The following TBC1D2B variants were observed in gnomAD, a reference collection of about 807,000 sequenced individuals.
TBC1D2B encodes the protein TBC1 domain family, member 2B.
In TBC1D2B, 64 loss-of-function variants were observed where a neutral mutation model predicts 100.8. The ratio of observed to expected loss-of-function variants is 0.64; its 90% CI spans 0.52 to 0.78. The LOEUF is 0.78. Among genes scored for constraint, TBC1D2B ranks in the 30% least tolerant of loss-of-function variants. TBC1D2B has a pLI of 0.00. For missense variants in TBC1D2B, 1,052 were observed against 1,218.4 expected (o/e 0.86, Z 2.03); for synonymous variants, 480 against 479.7 (o/e 1.00, Z -0.01).
Position 78,022,538 on chromosome 15 carries a change from C to G in TBC1D2B, c.1470+1618G>C, listed in dbSNP as rs2072540948. Reference sequence around the variant, plus strand: ...TATTAAAAAAACAAACAAACAAAAACCACAAAGCCTATTTTTTTTTTCTTG... The same window carrying G: ...TATTAAAAAAACAAACAAACAAAAAGCACAAAGCCTATTTTTTTTTTCTTG... On this transcript the variant is annotated intron_variant, in intron 6 of 12. Coordinates refer to ENST00000300584, the MANE Select transcript of TBC1D2B (RefSeq NM_144572.2). 3.0e-5 allele frequency among the ~76,000 whole-genome samples: 4 copies of G among 135,552 alleles called. No homozygotes were observed. In the South Asian group the frequency reaches 9.6e-4, roughly 33 times the overall value. The allele number at this position is 135,552 out of a possible 152,430, so 88.9% of individuals were successfully genotyped here. A position where few individuals can be genotyped will look rare whatever the true frequency, so the allele number is the denominator to read the frequency against.
chr15:78,044,199 G>A (rs2073148765), intron 3 of TBC1D2B, among the ~76,000 whole-genome samples: 1 of 152,166 alleles, frequency 6.6e-6, no homozygotes, highest in East Asian at 1.9e-4. Flanking sequence ...TGATTGTGGT[G>A]ATGGAAGCAC....
chr15:78,013,277 C>T lies in TBC1D2B; in HGVS notation c.1816G>A (p.Asp606Asn), dbSNP rs771886267. 11 of 1,613,786 alleles carry T rather than the reference C, an allele frequency of 6.8e-6. No homozygotes were observed. The highest frequency in any genetic ancestry group is 2.7e-5 in the African/African-American group (2 of 74,910). ...IYGFRTVPED[D>N]EEEKLVAKVR... ...TTGGCAACCAATTTCTCTTCCTCAT[C>T]ATCCTCAGGTACAGTCCTGAACCCA... The change falls in exon 9 of 13, where the codon GAT (aspartate) becomes AAT (asparagine). Residue 606 changes from aspartate to asparagine, a missense_variant. By Grantham distance (23) the Asp-to-Asn change is conservative. Transcript: ENST00000300584.
chr15:78,001,889 GCAATTT>G (rs981076035), intron 11 of TBC1D2B, 149 bp from the exon 12 acceptor site: 2 of 837,332 alleles, frequency 2.4e-6, no homozygotes, highest in African/African-American at 3.5e-5. Flanking sequence ...GACCTGAGGG[GCAATTT>G]TCACTGGCTA....
At chr15:78,048,976 T>C (rs2073255980) in intron 2 of TBC1D2B, among the ~76,000 whole-genome samples, 1 of 152,156 alleles carries the variant, frequency 6.6e-6, no homozygotes, top group South Asian at 2.1e-4. Flanking sequence ...CCCATATGCA[T>C]CAAAGCACAC....
At chr15:78,010,638 C>T (rs2072199154) in intron 9 of TBC1D2B, among the ~76,000 whole-genome samples, 1 of 151,832 alleles carries the variant, frequency 6.6e-6, no homozygotes, top group South Asian at 2.1e-4. Context: ...AGAGACAGGA[C>T]TCGATGGCGC....
rs1397810337 is a variant in TBC1D2B, at chr15:78,077,669, C to A, written c.-17G>T. 1.0e-6 allele frequency: 1 copy of A among 987,212 alleles called. No individual in the cohort carries two copies. The highest frequency in any genetic ancestry group is 1.8e-5 in the African/African-American group (1 of 56,858). The allele number at this position is 987,212 out of a possible 1,614,324, so 61.2% of individuals were successfully genotyped here. ...CCCCGGCATCGCTACCGCGCGCCAA[C>A]CGTAGGCGCCCGCGCCCTGCGCCTC... On this transcript the variant is annotated 5_prime_UTR_variant, in exon 1 of 13. Transcript: ENST00000300584.
At chr15:78,074,798 G>A (rs988796347) in intron 1 of TBC1D2B, among the ~76,000 whole-genome samples, 22 of 152,170 alleles carry the variant, frequency 1.4e-4, no homozygotes, top group African/African-American at 5.3e-4. Flanking sequence ...CTTACTTCTT[G>A]TTCAATTTTA....
At position 78,077,324 on chromosome 15, in the gene TBC1D2B, ACCTGGAAGTGCGCGGGCGGCT is replaced by A; in HGVS notation, c.308_328del (p.Glu103_Gln109del). 1 of 1,534,992 alleles carries A rather than the reference ACCTGGAAGTGCGCGGGCGGCT, an allele frequency of 6.5e-7. No individual in the cohort carries two copies. Among genetic ancestry groups the A allele is most frequent in the Non-Finnish European group, 8.8e-7 (1 of 1,141,668 alleles). On this transcript the variant is annotated inframe_deletion, in exon 1 of 13. Coordinates refer to ENST00000300584, the MANE Select transcript of TBC1D2B (RefSeq NM_144572.2). ...CACCGTGACGGCTCCCGCGCTGTGCACCTGGAAGTGCGCGGGCGGCTCCGTGCCCGGCTCCGCCGCCTCGTC... is the reference window on the plus strand; with the variant it reads ...CACCGTGACGGCTCCCGCGCTGTGCACCGTGCCCGGCTCCGCCGCCTCGTC...
chr15:78,043,485 G>C (rs913723272), intron 3 of TBC1D2B, among the ~76,000 whole-genome samples: 5 of 151,906 alleles, frequency 3.3e-5, no homozygotes, highest in South Asian at 2.1e-4. Context: ...CTGCAGCCTC[G>C]ACCTCTTGGC....
intron 7 of TBC1D2B, 31 bp from the exon 8 acceptor site, chr15:78,016,770 A>T (rs199585544): frequency 1.4e-6 from 2 of 1,470,866 alleles, no homozygotes; most frequent in East Asian, 4.8e-5. Flanking sequence ...ACCTCCATTC[A>T]GACAGAGACA....
At chr15:78,072,875 T>C (rs1041300852) in intron 1 of TBC1D2B, among the ~76,000 whole-genome samples, 1 of 152,178 alleles carries the variant, frequency 6.6e-6, no homozygotes, top group African/African-American at 2.4e-5. Flanking sequence ...CAGCCTCTGC[T>C]AGACCCTTGC....
intron 1 of TBC1D2B, among the ~76,000 whole-genome samples, chr15:78,074,691 C>T (rs887606145): frequency 6.6e-6 from 1 of 152,130 alleles, no homozygotes; most frequent in Non-Finnish European, 1.5e-5. Context: ...CTTCCCCTCG[C>T]GAAAGAGCAT....
chr15:78,009,974 CAAAAAAAA>C (rs59641885), intron 9 of TBC1D2B, among the ~76,000 whole-genome samples: 1 of 95,948 alleles, frequency 1.0e-5, no homozygotes, highest in South Asian at 3.3e-4. Context: ...GACTCCGTCT[CAAAAAAAA>C]AAAAAAAAAA....
intron 6 of TBC1D2B, among the ~76,000 whole-genome samples, chr15:78,022,906 CTTG>C (rs1035615626): frequency 1.8e-4 from 28 of 151,940 alleles, no homozygotes; most frequent in Admixed American, 1.8e-3. Context: ...CAGAGGTTTT[CTTG>C]TTGTTTTGGA....
chr15:77,998,124 G>C lies in TBC1D2B; in HGVS notation c.*36C>G. On this transcript the variant is annotated 3_prime_UTR_variant, in exon 13 of 13. Coordinates refer to ENST00000300584, the MANE Select transcript of TBC1D2B (RefSeq NM_144572.2). ...ACTTTCACCCTTTGGGCACACTTTG[G>C]TTGTGAAGGAAGGAAGAGCAGCATC... The C allele has an allele frequency of 6.8e-7, 1 of 1,478,324 alleles. No homozygotes were observed. The highest frequency in any genetic ancestry group is 1.4e-5 in the South Asian group (1 of 73,976). 91.6% of individuals were successfully genotyped at this position (1,478,324 alleles called of 1,614,324 possible). A position where few individuals can be genotyped will look rare whatever the true frequency, so the allele number is the denominator to read the frequency against.
At chr15:78,003,915 A>T (rs1014911620) in intron 10 of TBC1D2B, among the ~76,000 whole-genome samples, 2 of 152,206 alleles carry the variant, frequency 1.3e-5, no homozygotes, top group Non-Finnish European at 2.9e-5. Context: ...AAAAGGAAGC[A>T]GCATCACCAC....
At chr15:78,027,395 C>A (rs963850237) in intron 4 of TBC1D2B, among the ~76,000 whole-genome samples, 3 of 152,000 alleles carry the variant, frequency 2.0e-5, no homozygotes, top group Non-Finnish European at 4.4e-5. Flanking sequence ...TGTTATACAT[C>A]AATAAAAAGT....
intron 3 of TBC1D2B, chr15:78,034,693 C>A: frequency 1.0e-6 from 1 of 985,450 alleles, no homozygotes; most frequent in Non-Finnish European, 1.2e-6. Context: ...CTCTCACCTG[C>A]AGCTGAGGGA....
At position 77,995,328 on chromosome 15, in the gene TBC1D2B, AC is replaced by A. The variant is rs2071720313; in HGVS notation, c.*2831del. 6.6e-6 allele frequency: 1 copy of A among 152,272 alleles called. No homozygotes were observed. The highest frequency in any genetic ancestry group is 1.5e-5 in the Non-Finnish European group (1 of 68,052). 9.4% of individuals were successfully genotyped at this position (152,272 alleles called of 1,614,324 possible). ...TCTAGAATACTTCCGATATCAATAT[AC>A]CGTAGTTGAAACCAGAACCGTCTCC... On this transcript the variant is annotated 3_prime_UTR_variant, in exon 13 of 13. Transcript: ENST00000300584.
Sources: gnomAD v4.1 joint callset for allele counts (sites outside exome capture counted in the v4.1 genomes callset) on GRCh38, gnomAD v4.1.1 for gene constraint, MANE v1.5 for transcripts, NCBI Gene and HGNC (gene_info 2026-07-23, HGNC 2026-07-21) for gene names.